Variants in C1orf198 observed in about 807,000 individuals in gnomAD.
The protein encoded by C1orf198 is uncharacterized protein C1orf198.
C1orf198 carries 17 observed loss-of-function variants against 31.4 expected under a neutral mutation model. That is an observed-to-expected ratio of 0.54 (90% CI 0.37 to 0.81). The LOEUF (loss-of-function observed/expected upper bound fraction) is 0.81. Among genes scored for constraint, C1orf198 ranks in the 40% least tolerant of loss-of-function variants. C1orf198 has a pLI of 0.00. For synonymous variants in C1orf198, 175 were observed against 193.8 expected (o/e 0.90, Z 0.81); for missense variants, 401 against 450.3 (o/e 0.89, Z 0.99).
chr1:230,867,254 GC>G (rs778437984), intron 1 of C1orf198, among the ~76,000 whole-genome samples: 87 of 152,178 alleles, frequency 5.7e-4, no homozygotes, highest in Non-Finnish European at 1.0e-3. Flanking sequence ...AATTCTAATG[GC>G]ACCAAACAGG....
intron 2 of C1orf198, among the ~76,000 whole-genome samples, chr1:230,851,912 G>C (rs911271555): frequency 1.3e-5 from 2 of 152,232 alleles, no homozygotes; most frequent in African/African-American, 4.8e-5. Flanking sequence ...GGCTGGCCAA[G>C]AGAAAGGAAC....
chr1:230,848,718 G>A (rs1669655414), intron 2 of C1orf198, among the ~76,000 whole-genome samples: 1 of 152,180 alleles, frequency 6.6e-6, no homozygotes, highest in Admixed American at 6.5e-5. Context: ...CCTGCTGGGT[G>A]CTAGGCCTCT....
chr1:230,857,109 T>C lies in C1orf198; in HGVS notation c.334-1391A>G, dbSNP rs564199948. ...TTCTCTGTGCAGACGCCTCCTAACA[T>C]GAACAGCCAGTGGGAGGTCAGTCTT... On this transcript the variant is annotated intron_variant, in intron 1 of 3. Transcript: ENST00000366663. This position sits in a 1 kb window ranked among gnomAD's most constrained non-coding sequence, Gnocchi z 4.2. Among the ~76,000 whole-genome samples, 2 of 152,208 alleles carry C rather than the reference T, an allele frequency of 1.3e-5. No individual in the cohort carries two copies. The highest frequency in any genetic ancestry group is 4.8e-5 in the African/African-American group (2 of 41,522).
chr1:230,851,158 A>G (rs1181388804), intron 2 of C1orf198, among the ~76,000 whole-genome samples: 1 of 151,622 alleles, frequency 6.6e-6, no homozygotes, highest in African/African-American at 2.4e-5. Flanking sequence ...AATGATCTAT[A>G]TTAGCCCCCC....
At chr1:230,844,393 G>A (rs1669532603) in intron 2 of C1orf198, among the ~76,000 whole-genome samples, 1 of 151,988 alleles carries the variant, frequency 6.6e-6, no homozygotes, top group African/African-American at 2.4e-5. Flanking sequence ...ATGAGCCACA[G>A]CCCCCTGAGG....
intron 1 of C1orf198, among the ~76,000 whole-genome samples, chr1:230,859,655 G>A (rs1454830220): frequency 1.3e-5 from 2 of 152,106 alleles, no homozygotes; most frequent in East Asian, 3.9e-4. Flanking sequence ...AATTATCAGA[G>A]GCCAGCGCTA....
At chr1:230,856,129 G>T in intron 1 of C1orf198, 1 of 303,282 alleles carries the variant, frequency 3.3e-6, no homozygotes. Flanking sequence ...ATTTGTAAAA[G>T]CAAAATGATA....
intron 2 of C1orf198, among the ~76,000 whole-genome samples, chr1:230,850,955 T>C (rs985844323): frequency 3.9e-5 from 6 of 152,088 alleles, no homozygotes; most frequent in Non-Finnish European, 8.8e-5. Context: ...CCACTCGACC[T>C]GCCAGGCACC....
At position 230,843,251 on chromosome 1, in the gene C1orf198, G is replaced by A; in HGVS notation, c.927+103C>T. On this transcript the variant is annotated intron_variant, in intron 3 of 3. Coordinates refer to ENST00000366663, the MANE Select transcript of C1orf198 (RefSeq NM_032800.3). This position sits in a 1 kb window ranked among gnomAD's most constrained non-coding sequence, Gnocchi z 4.9. The stretch of plus-strand genomic sequence containing the variant: ...AGAGGCAGGGGAAGGAGAAGAAAAA[G>A]AGCATGGGCACCTGTGGCCTGCCTG... The A allele has an allele frequency of 7.5e-7, 1 of 1,336,894 alleles. No individual in the cohort carries two copies. Among genetic ancestry groups the A allele is most frequent in the Non-Finnish European group, 1.0e-6 (1 of 995,788 alleles). 82.8% of individuals were successfully genotyped at this position (1,336,894 alleles called of 1,614,324 possible). A position where few individuals can be genotyped will look rare whatever the true frequency, so the allele number is the denominator to read the frequency against.
chr1:230,849,442 C>T (rs911758111), intron 2 of C1orf198, among the ~76,000 whole-genome samples: 3 of 152,184 alleles, frequency 2.0e-5, no homozygotes, highest in Non-Finnish European at 4.4e-5. Context: ...CACAAGGAAG[C>T]CGTCCCTCCT....
intron 1 of C1orf198, 128 bp downstream of exon 1, chr1:230,868,050 CTG>C: frequency 2.3e-5 from 23 of 990,096 alleles, no homozygotes; most frequent in East Asian, 3.4e-5. Flanking sequence ...CTCCCACCCA[CTG>C]CCATTCCTGC....
chr1:230,864,070 C>T (rs1670059478), intron 1 of C1orf198, among the ~76,000 whole-genome samples: 1 of 152,018 alleles, frequency 6.6e-6, no homozygotes, highest in African/African-American at 2.4e-5. Flanking sequence ...CATTGAGAGG[C>T]CACACAGCAG....
intron 1 of C1orf198, among the ~76,000 whole-genome samples, chr1:230,863,735 G>A (rs1049230371): frequency 6.6e-6 from 1 of 152,106 alleles, no homozygotes; most frequent in African/African-American, 2.4e-5. Flanking sequence ...GAACAGGCCC[G>A]ACCGCCCTCT....
chr1:230,852,051 A>G (rs1669760826), intron 2 of C1orf198, among the ~76,000 whole-genome samples: 1 of 152,234 alleles, frequency 6.6e-6, no homozygotes, highest in Admixed American at 6.5e-5. Context: ...GAGAAGTCAG[A>G]GCTGGGCACT....
chr1:230,861,030 A>G lies in C1orf198; in HGVS notation c.334-5312T>C, dbSNP rs544392533. On this transcript the variant is annotated intron_variant, in intron 1 of 3. Transcript: ENST00000366663. ...GATATTCTGGAAAAGGCAAAACTAC[A>G]GAGACAGTAAAAAGATCAGTGGCTG... Among the ~76,000 whole-genome samples the G allele has an allele frequency of 1.1e-3, 172 of 152,344 alleles. 1 individual carries two copies. Among genetic ancestry groups the G allele is most frequent in the Non-Finnish European group, 1.7e-3 (119 of 68,038 alleles).
At position 230,837,896 on chromosome 1, in the gene C1orf198, T is replaced by C. The variant is rs547426091; in HGVS notation, c.*1956A>G. 1 of 152,346 alleles carries C rather than the reference T, an allele frequency of 6.6e-6. No homozygotes were observed. The highest frequency in any genetic ancestry group is 6.5e-5 in the Admixed American group (1 of 15,304). 9.4% of individuals were successfully genotyped at this position (152,346 alleles called of 1,614,324 possible). A position where few individuals can be genotyped will look rare whatever the true frequency, so the allele number is the denominator to read the frequency against. ...AGCACCAAGAAGAACTTGGAGGGAA[T>C]ATTGGGCTTGTTGAGAAAGTGGGAA... On this transcript the variant is annotated 3_prime_UTR_variant, in exon 4 of 4. Coordinates refer to ENST00000366663, the MANE Select transcript of C1orf198 (RefSeq NM_032800.3).
In C1orf198 at chr1:230,855,664, T is replaced by G. The variant is rs111372881; in HGVS notation, c.384+4A>C. 2.2e-5 allele frequency: 36 copies of G among 1,612,090 alleles called. 3 individuals carry two copies. The African/African-American group carries it at 2.9e-4, about 13-fold the overall frequency. Reference sequence around the variant, plus strand: ...CAAATAGATCTAAATTTAATCCAACTTACCTTTGTTTCCCAGGAGAAAGGG... The same window carrying G: ...CAAATAGATCTAAATTTAATCCAACGTACCTTTGTTTCCCAGGAGAAAGGG... On this transcript the variant is annotated splice_donor_region_variant and intron_variant, in intron 2 of 3. Transcript: ENST00000366663.
chr1:230,857,698 C>T lies in C1orf198; in HGVS notation c.334-1980G>A, dbSNP rs1000627919. On this transcript the variant is annotated intron_variant, in intron 1 of 3. Coordinates refer to ENST00000366663, the MANE Select transcript of C1orf198 (RefSeq NM_032800.3). This position sits in a 1 kb window ranked among gnomAD's most constrained non-coding sequence, Gnocchi z 4.2. Reference sequence around the variant, plus strand: ...CCAGGTCTTTATTTTCCCAGGACAGCATATAAAAGGACTAAATATATTTAT... The same window carrying T: ...CCAGGTCTTTATTTTCCCAGGACAGTATATAAAAGGACTAAATATATTTAT... Among the ~76,000 whole-genome samples, 1 of 151,960 alleles carries T rather than the reference C, an allele frequency of 6.6e-6. No homozygotes were observed. Among genetic ancestry groups the T allele is most frequent in the African/African-American group, 2.4e-5 (1 of 41,334 alleles).
intron 2 of C1orf198, among the ~76,000 whole-genome samples, chr1:230,846,829 C>T (rs1443754911): frequency 1.3e-5 from 2 of 152,052 alleles, no homozygotes; most frequent in African/African-American, 2.4e-5. Context: ...GGCGGCCGGG[C>T]GCGGTGGCTC....
Sources: allele counts gnomAD v4.1 joint callset (sites outside exome capture counted in the v4.1 genomes callset), GRCh38; gene constraint gnomAD v4.1.1; non-coding constraint Gnocchi (gnomAD v3.1); transcripts MANE v1.5; gene names NCBI Gene and HGNC (gene_info 2026-07-23, HGNC 2026-07-21).